CNTN5: variants seen among roughly 807,000 people sequenced by gnomAD.
CNTN5 encodes contactin-5.
In CNTN5, 77 loss-of-function variants were observed where a neutral mutation model predicts 129.1. The ratio of observed to expected loss-of-function variants is 0.60; its 90% CI spans 0.50 to 0.72. CNTN5 has a LOEUF of 0.72. CNTN5 is among the 30% of genes least tolerant of loss of function. The pLI, the probability that CNTN5 is intolerant of heterozygous loss-of-function variation, is 0.00. For synonymous variants in CNTN5, 509 were observed against 465.6 expected (o/e 1.09, Z -1.20); for missense variants, 1,478 against 1,328.8 (o/e 1.11, Z -1.75).
intron 1 of CNTN5, among the ~76,000 whole-genome samples, chr11:99,298,652 T>G (rs1382959634): frequency 1.3e-5 from 2 of 152,148 alleles, no homozygotes; most frequent in African/African-American, 2.4e-5. Context: ...TGTCCAGTTT[T>G]CTGGCAGAGC....
intron 1 of CNTN5, among the ~76,000 whole-genome samples, chr11:99,104,112 T>A (rs1565319963): frequency 6.6e-6 from 1 of 152,158 alleles, no homozygotes; most frequent in African/African-American, 2.4e-5. Flanking sequence ...TCATAGCAAA[T>A]GTTAAGAGAA....
intron 1 of CNTN5, among the ~76,000 whole-genome samples, chr11:99,024,529 T>G (rs2135061063): frequency 6.6e-6 from 1 of 152,202 alleles, no homozygotes; most frequent in South Asian, 2.1e-4. Context: ...GTTTTGCCTA[T>G]TATAAATATT....
intron 13 of CNTN5, among the ~76,000 whole-genome samples, chr11:100,125,566 T>A (rs1257443268): frequency 1.3e-5 from 2 of 152,132 alleles, no homozygotes; most frequent in Admixed American, 6.6e-5. Context: ...AGTTCACCGT[T>A]GATGGGCACA....
chr11:99,099,355 AGGCACC>A (rs1249692029), intron 1 of CNTN5, among the ~76,000 whole-genome samples: 2 of 152,184 alleles, frequency 1.3e-5, no homozygotes, highest in Non-Finnish European at 2.9e-5. Flanking sequence ...TTAGCTTGAA[AGGCACC>A]ATTCTCTTCA....
chr11:99,295,741 T>C (rs937104890), intron 1 of CNTN5, among the ~76,000 whole-genome samples: 4 of 151,596 alleles, frequency 2.6e-5, no homozygotes, highest in Non-Finnish European at 5.9e-5. Context: ...CCGGGCGCGG[T>C]GGCGGGCGCC....
chr11:99,586,321 AC>A (rs1949792415), intron 3 of CNTN5, among the ~76,000 whole-genome samples: 1 of 152,036 alleles, frequency 6.6e-6, no homozygotes, highest in African/African-American at 2.4e-5. Context: ...ATAATAACTG[AC>A]ATAACTCAGC....
intron 1 of CNTN5, among the ~76,000 whole-genome samples, chr11:99,079,368 T>C (rs941662713): frequency 5.9e-5 from 9 of 152,158 alleles, no homozygotes; most frequent in African/African-American, 1.9e-4. Context: ...AGAAATGGAA[T>C]TCCTGCCATA....
intron 1 of CNTN5, among the ~76,000 whole-genome samples, chr11:99,260,416 T>A (rs764174021): frequency 3.6e-4 from 55 of 151,870 alleles, no homozygotes; most frequent in Admixed American, 2.1e-3. Flanking sequence ...ATATTTTTGT[T>A]CACAGGTGCC....
rs1431737677 is a variant in CNTN5, at chr11:99,362,197, C to T, written c.-71+36713C>T. Among the ~76,000 whole-genome samples the T allele has an allele frequency of 4.6e-5, 7 of 152,054 alleles. No individual in the cohort carries two copies. In the East Asian group the frequency reaches 1.4e-3, roughly 29 times the overall value. On this transcript the variant is annotated intron_variant, in intron 2 of 24. Transcript: ENST00000524871. ...CAAGCTTATGGGTATAAAGTGGGAT[C>T]TCACTGTGGTTTTGATTTGCTGTCC...
At chr11:99,287,471 C>A (rs974996175) in intron 1 of CNTN5, among the ~76,000 whole-genome samples, 1 of 152,120 alleles carries the variant, frequency 6.6e-6, no homozygotes, top group African/African-American at 2.4e-5. Context: ...TTCACAAAGA[C>A]CAACAGCTTA....
chr11:100,005,826 C>G (rs980825826), intron 9 of CNTN5, among the ~76,000 whole-genome samples: 2 of 152,080 alleles, frequency 1.3e-5, no homozygotes, highest in Non-Finnish European at 2.9e-5. Context: ...GAGGGACAAA[C>G]AAAGAAGATC....
intron 2 of CNTN5, among the ~76,000 whole-genome samples, chr11:99,348,658 G>T (rs894703147): frequency 1.3e-5 from 2 of 152,140 alleles, no homozygotes; most frequent in Non-Finnish European, 2.9e-5. Flanking sequence ...CCACCAGTTA[G>T]ACATGGTCTA....
At chr11:99,133,957 T>G (rs140902466) in intron 1 of CNTN5, among the ~76,000 whole-genome samples, 2,052 of 152,254 alleles carry the variant, frequency 0.013, 48 homozygotes, top group African/African-American at 0.046. Context: ...TACATGCACA[T>G]GTATGTTCAT....
chr11:99,250,230 T>C (rs947966800), intron 1 of CNTN5, among the ~76,000 whole-genome samples: 25 of 152,016 alleles, frequency 1.6e-4, no homozygotes, highest in African/African-American at 6.0e-4. Flanking sequence ...ATTAACTTAC[T>C]TCAGCACTGC....
chr11:99,361,117 G>A (rs557460952), intron 2 of CNTN5, among the ~76,000 whole-genome samples: 2 of 151,978 alleles, frequency 1.3e-5, no homozygotes, highest in Non-Finnish European at 2.9e-5. Context: ...ATTTTTATCT[G>A]AGACCTCATC....
At chr11:100,142,948 C>A (rs1013211692) in intron 13 of CNTN5, among the ~76,000 whole-genome samples, 1 of 152,058 alleles carries the variant, frequency 6.6e-6, no homozygotes, top group Admixed American at 6.6e-5. Flanking sequence ...TTGTTTCATG[C>A]ACCAAATTAT....
chr11:100,255,643 A>G (rs1439087427), intron 16 of CNTN5, 117 bp from the exon 17 acceptor site: 1 of 867,348 alleles, frequency 1.2e-6, no homozygotes, highest in Non-Finnish European at 1.7e-6. Context: ...TAATTACTAA[A>G]TTCATATTTC....
intron 1 of CNTN5, among the ~76,000 whole-genome samples, chr11:99,205,340 C>G (rs1005486336): frequency 1.3e-5 from 2 of 152,112 alleles, no homozygotes; most frequent in African/African-American, 4.8e-5. Context: ...AACCCTCCCC[C>G]TCTAGATCCA....
intron 24 of CNTN5, among the ~76,000 whole-genome samples, chr11:100,354,609 T>G (rs915409791): frequency 2.6e-5 from 4 of 151,712 alleles, no homozygotes; most frequent in Non-Finnish European, 4.4e-5. Context: ...AGCATAGTCA[T>G]GTATTTCTTA....
Sources: allele counts gnomAD v4.1 joint callset (sites outside exome capture counted in the v4.1 genomes callset), GRCh38; gene constraint gnomAD v4.1.1; transcripts MANE v1.5; gene names NCBI Gene and HGNC (gene_info 2026-07-23, HGNC 2026-07-21).